Variants in RBMS3 observed in about 807,000 individuals in gnomAD.
RBMS3 encodes RNA-binding motif, single-stranded-interacting protein 3.
In RBMS3, 27 loss-of-function variants were observed where a neutral mutation model predicts 66.8. The observed-to-expected ratio is 0.40, with a 90% CI of 0.30 to 0.56. The LOEUF is 0.56. RBMS3 is among the 20% of genes least tolerant of loss of function. The probability of loss-of-function intolerance (pLI) is 0.40; values close to 1 mark genes in which losing one functional copy is unlikely to be tolerated. For missense variants in RBMS3, 513 were observed against 549.5 expected (o/e 0.93, Z 0.66); for synonymous variants, 188 against 183.0 (o/e 1.03, Z -0.22).
chr3:29,914,144 C>T (rs1392628556), intron 10 of RBMS3, among the ~76,000 whole-genome samples: 1 of 151,750 alleles, frequency 6.6e-6, no homozygotes, highest in Non-Finnish European at 1.5e-5. Flanking sequence ...AAAGACTGAA[C>T]ACTGTTGAGA....
At chr3:29,413,588 C>A (rs1299120889) in intron 1 of RBMS3, among the ~76,000 whole-genome samples, 1 of 152,132 alleles carries the variant, frequency 6.6e-6, no homozygotes, top group East Asian at 1.9e-4. Context: ...AAGAGAATAT[C>A]AAACATGGTA....
intron 4 of RBMS3, among the ~76,000 whole-genome samples, chr3:29,588,902 T>C (rs1192276949): frequency 6.6e-6 from 1 of 152,010 alleles, no homozygotes; most frequent in East Asian, 1.9e-4. Context: ...AACACCTACT[T>C]CCAAGAAAAT....
At chr3:29,652,023 C>G (rs959310352) in intron 4 of RBMS3, among the ~76,000 whole-genome samples, 1 of 150,436 alleles carries the variant, frequency 6.6e-6, no homozygotes, top group African/African-American at 2.5e-5. Flanking sequence ...TAACTATATT[C>G]TCCTCCTTCT....
chr3:29,511,421 G>A (rs1051313013), intron 3 of RBMS3, among the ~76,000 whole-genome samples: 2 of 152,212 alleles, frequency 1.3e-5, no homozygotes, highest in Non-Finnish European at 2.9e-5. Flanking sequence ...CTAGTTCTGT[G>A]CGTGGGTGTT....
intron 4 of RBMS3, among the ~76,000 whole-genome samples, chr3:29,588,509 G>A (rs2047612424): frequency 6.6e-6 from 1 of 152,020 alleles, no homozygotes; most frequent in East Asian, 1.9e-4. Flanking sequence ...TTCATCTTCA[G>A]TTGTCTTCTA....
intron 1 of RBMS3, among the ~76,000 whole-genome samples, chr3:29,418,968 C>G (rs2040591234): frequency 6.6e-6 from 1 of 152,186 alleles, no homozygotes; most frequent in Admixed American, 6.5e-5. Flanking sequence ...ACCATTCCAT[C>G]ATTCTATTCA....
intron 2 of RBMS3, among the ~76,000 whole-genome samples, chr3:29,479,697 A>G (rs1312441558): frequency 6.6e-6 from 1 of 152,218 alleles, no homozygotes; most frequent in African/African-American, 2.4e-5. Flanking sequence ...AATAGTTCCA[A>G]GATCACAAAC....
At chr3:29,970,931 T>C (rs1697188164) in intron 12 of RBMS3, among the ~76,000 whole-genome samples, 1 of 152,158 alleles carries the variant, frequency 6.6e-6, no homozygotes, top group Admixed American at 6.6e-5. Flanking sequence ...CAAAGTGGAA[T>C]TTCAGGCCCA....
rs532710147 is a variant in RBMS3 at position 29,443,662 on chromosome 3, G to A, written c.248+8747G>A. Among the ~76,000 whole-genome samples, 3 of 152,078 alleles carry A rather than the reference G, an allele frequency of 2.0e-5. No homozygotes were observed. The East Asian group carries it at 5.8e-4, about 29-fold the overall frequency. On this transcript the variant is annotated intron_variant, in intron 2 of 14. Transcript: ENST00000383767. Reference sequence around the variant, plus strand: ...GAAAGGTTATGTATTCTTCTGCAAAGAATAGATTTTAGAGGAGTACAAGAG... The same window carrying A: ...GAAAGGTTATGTATTCTTCTGCAAAAAATAGATTTTAGAGGAGTACAAGAG...
chr3:29,531,374 G>T (rs751752230), intron 3 of RBMS3, among the ~76,000 whole-genome samples: 12 of 152,354 alleles, frequency 7.9e-5, no homozygotes, highest in Middle Eastern at 3.4e-3. Context: ...TCAACCATGA[G>T]ACTTACATGG....
intron 4 of RBMS3, among the ~76,000 whole-genome samples, chr3:29,650,972 T>A (rs985045677): frequency 6.6e-6 from 1 of 152,226 alleles, no homozygotes; most frequent in African/African-American, 2.4e-5. Context: ...GAAGTCTTTA[T>A]ATGTTTCTAT....
intron 10 of RBMS3, among the ~76,000 whole-genome samples, chr3:29,907,187 C>T (rs2060402095): frequency 6.6e-6 from 1 of 152,112 alleles, no homozygotes; most frequent in South Asian, 2.1e-4. Context: ...CTTCATGATG[C>T]TGTTTAGCCT....
intron 3 of RBMS3, among the ~76,000 whole-genome samples, chr3:29,532,266 A>ATATG (rs2045390696): frequency 7.7e-6 from 1 of 130,620 alleles, no homozygotes; most frequent in African/African-American, 2.8e-5. Context: ...ATATATGTAT[A>ATATG]TATATATATA....
intron 1 of RBMS3, among the ~76,000 whole-genome samples, chr3:29,405,939 C>A (rs1002759888): frequency 1.3e-5 from 2 of 152,172 alleles, no homozygotes; most frequent in African/African-American, 4.8e-5. Flanking sequence ...AATGTCCTCA[C>A]AAAAATTCCA....
intron 10 of RBMS3, among the ~76,000 whole-genome samples, chr3:29,905,636 A>T (rs1406028736): frequency 1.3e-5 from 2 of 152,086 alleles, no homozygotes; most frequent in Non-Finnish European, 2.9e-5. Flanking sequence ...TTTGACTACT[A>T]TAACTGACAA....
chr3:29,911,616 C>A lies in RBMS3; in HGVS notation c.939+11861C>A, dbSNP rs57009836. Among the ~76,000 whole-genome samples the A allele has an allele frequency of 1.3e-5, 2 of 151,934 alleles. 1 individual carries two copies. Among genetic ancestry groups the A allele is most frequent in the Admixed American group, 1.3e-4 (2 of 15,216 alleles). On this transcript the variant is annotated intron_variant, in intron 10 of 14. Transcript: ENST00000383767. ...TAGCCTCTGCACAAGGCTAATTAGT[C>A]CTAATTATCTGAATACCCCAGGTGA...
At chr3:29,584,636 G>C (rs1235668097) in intron 3 of RBMS3, among the ~76,000 whole-genome samples, 1 of 152,014 alleles carries the variant, frequency 6.6e-6, no homozygotes, top group Non-Finnish European at 1.5e-5. Flanking sequence ...TCACCCAGTG[G>C]CTTATGGCAA....
chr3:29,676,508 T>A (rs1191927767), intron 4 of RBMS3, among the ~76,000 whole-genome samples: 1 of 152,238 alleles, frequency 6.6e-6, no homozygotes. Context: ...CAATTATTCA[T>A]ATTACTGCTT....
intron 1 of RBMS3, among the ~76,000 whole-genome samples, chr3:29,396,475 G>A (rs2039556292): frequency 1.3e-5 from 2 of 152,072 alleles, no homozygotes; most frequent in South Asian, 4.1e-4. Flanking sequence ...ATCAATGTTA[G>A]ATTTACTGAT....
Sources: allele counts gnomAD v4.1 joint callset (sites outside exome capture counted in the v4.1 genomes callset), GRCh38; gene constraint gnomAD v4.1.1; transcripts MANE v1.5; gene names NCBI Gene and HGNC (gene_info 2026-07-23, HGNC 2026-07-21).